The following XYLT1 variants were observed in gnomAD, a reference collection of about 807,000 sequenced individuals.
The protein encoded by XYLT1 is xylosyltransferase 1, also known as beta-D-xylosyltransferase 1.
A neutral mutation model predicts 91.3 loss-of-function variants in XYLT1; 36 were observed. That is an observed-to-expected ratio of 0.39 (90% CI 0.30 to 0.52). The LOEUF (loss-of-function observed/expected upper bound fraction) is 0.52, where lower values mean the gene tolerates loss of function less well. Ranked by LOEUF, XYLT1 falls within the 20% of genes least tolerant of loss-of-function variation. XYLT1 has a pLI of 0.68. For synonymous variants in XYLT1, 588 were observed against 532.0 expected, an observed-to-expected ratio of 1.11 and a Z score of -1.45; for missense variants, 1,242 against 1,284.5, an observed-to-expected ratio of 0.97 and a Z score of 0.51.
chr16:17,202,670 TCTTTTACTCTCTTTCACCTCAC>T (rs2032564901), intron 3 of XYLT1, among the ~76,000 whole-genome samples: 2 of 152,324 alleles, frequency 1.3e-5, no homozygotes, highest in African/African-American at 4.8e-5. Flanking sequence ...CACCCGCACC[TCTTTTACTCTCTTTCACCTCAC>T]CGGATTTCAA....
intron 3 of XYLT1, among the ~76,000 whole-genome samples, chr16:17,212,335 C>G (rs1363453696): frequency 6.6e-6 from 1 of 152,154 alleles, no homozygotes; most frequent in Admixed American, 6.5e-5. Context: ...GCCTCGGCCC[C>G]ACCCCAATAA....
chr16:17,285,145 C>T (rs2034115873), intron 2 of XYLT1, among the ~76,000 whole-genome samples: 1 of 152,174 alleles, frequency 6.6e-6, no homozygotes, highest in Admixed American at 6.5e-5. Flanking sequence ...GGTGCTGCTC[C>T]AGCCTCTTCT....
At chr16:17,328,455 A>C (rs1173801846) in intron 2 of XYLT1, among the ~76,000 whole-genome samples, 1 of 150,374 alleles carries the variant, frequency 6.7e-6, no homozygotes, top group African/African-American at 2.4e-5. Flanking sequence ...AGGCTGAGGC[A>C]GAAGAATCGC....
intron 2 of XYLT1, among the ~76,000 whole-genome samples, chr16:17,329,756 C>A (rs994223352): frequency 6.6e-6 from 1 of 152,160 alleles, no homozygotes; most frequent in South Asian, 2.1e-4. Flanking sequence ...GAAATCTACA[C>A]ATGGACACAG....
intron 3 of XYLT1, among the ~76,000 whole-genome samples, chr16:17,231,413 A>G (rs910953624): frequency 2.6e-5 from 4 of 152,210 alleles, no homozygotes. Flanking sequence ...CTCTGGAGTC[A>G]GGTAGCTGGC....
At position 17,400,629 on chromosome 16, in the gene XYLT1, G is replaced by GAGGAAGGAAGGAAGGA. The variant is rs139881259; in HGVS notation, c.364-42595_364-42580dup. ...AGAGGGAGGGAGGGAGGGAGGAAGG[G>GAGGAAGGAAGGAAGGA]AGGAAGGAAGGAAGGAAGGAAGGAA... is the stretch of plus-strand genomic sequence containing the variant. On this transcript the variant is annotated intron_variant, in intron 1 of 11. Transcript: ENST00000261381. 2.1e-3 allele frequency among the ~76,000 whole-genome samples: 275 copies of GAGGAAGGAAGGAAGGA among 132,734 alleles called. 1 individual carries two copies. Among genetic ancestry groups the GAGGAAGGAAGGAAGGA allele is most frequent in the African/African-American group, 3.5e-3 (123 of 35,020 alleles). The allele number at this position is 132,734 out of a possible 152,430, so 87.1% of individuals were successfully genotyped here. A position where few individuals can be genotyped will look rare whatever the true frequency, so the allele number is the denominator to read the frequency against.
chr16:17,245,832 AGAAACTG>A (rs2033427248), intron 3 of XYLT1, among the ~76,000 whole-genome samples: 1 of 152,238 alleles, frequency 6.6e-6, no homozygotes, highest in Non-Finnish European at 1.5e-5. Flanking sequence ...CACAGCAACT[AGAAACTG>A]GCAGAGAAAT....
At chr16:17,218,645 G>A (rs2032905843) in intron 3 of XYLT1, among the ~76,000 whole-genome samples, 1 of 152,106 alleles carries the variant, frequency 6.6e-6, no homozygotes, top group South Asian at 2.1e-4. Flanking sequence ...TCTCAAATAT[G>A]TGGAAATTGT....
At chr16:17,210,957 C>T (rs889276837) in intron 3 of XYLT1, among the ~76,000 whole-genome samples, 4 of 152,174 alleles carry the variant, frequency 2.6e-5, no homozygotes, top group East Asian at 1.9e-4. Context: ...CAGGAGTGCC[C>T]GGCTAGCACT....
intron 2 of XYLT1, among the ~76,000 whole-genome samples, chr16:17,277,893 G>A (rs1223982351): frequency 6.6e-6 from 1 of 152,166 alleles, no homozygotes; most frequent in Non-Finnish European, 1.5e-5. Flanking sequence ...GAGGCTCACA[G>A]CGGTTATCTC....
At chr16:17,333,666 C>T in intron 2 of XYLT1, among the ~76,000 whole-genome samples, 1 of 150,274 alleles carries the variant, frequency 6.7e-6, no homozygotes, top group Non-Finnish European at 1.5e-5. Context: ...GGGCTCACTG[C>T]AACCTCTGCC....
chr16:17,423,177 C>T (rs28581856), intron 1 of XYLT1, among the ~76,000 whole-genome samples: 48 of 149,066 alleles, frequency 3.2e-4, no homozygotes, highest in African/African-American at 1.0e-3. Context: ...GTCCCTTCTT[C>T]CTCTGCCCCA....
intron 11 of XYLT1, among the ~76,000 whole-genome samples, 178 bp from the exon 12 acceptor site, chr16:17,109,195 C>T (rs1442390757): frequency 1.7e-4 from 26 of 152,138 alleles, no homozygotes; most frequent in Admixed American, 1.6e-3. Flanking sequence ...AAACTGAGCC[C>T]GTAAGGACAG....
At chr16:17,247,214 T>G (rs1224286147) in intron 3 of XYLT1, among the ~76,000 whole-genome samples, 3 of 148,954 alleles carry the variant, frequency 2.0e-5, no homozygotes, top group Non-Finnish European at 4.5e-5. Flanking sequence ...GCTCCTTCCT[T>G]CTTGCACTAA....
chr16:17,353,634 T>A (rs2035250842), intron 2 of XYLT1, among the ~76,000 whole-genome samples: 1 of 152,228 alleles, frequency 6.6e-6, no homozygotes, highest in Admixed American at 6.5e-5. Context: ...CATTGAATCT[T>A]TCTATCCATC....
intron 5 of XYLT1, among the ~76,000 whole-genome samples, chr16:17,165,346 G>T (rs184365222): frequency 6.6e-6 from 1 of 152,122 alleles, no homozygotes; most frequent in Non-Finnish European, 1.5e-5. Flanking sequence ...TCATCAGCAC[G>T]TACAGGCAGA....
intron 1 of XYLT1, among the ~76,000 whole-genome samples, chr16:17,397,348 G>A (rs2035900229): frequency 1.3e-5 from 2 of 152,122 alleles, no homozygotes. Context: ...GAAACAGTCT[G>A]CAATCTAATT....
intron 1 of XYLT1, among the ~76,000 whole-genome samples, chr16:17,465,017 G>A (rs545029409): frequency 2.6e-5 from 4 of 151,542 alleles, no homozygotes; most frequent in Admixed American, 6.6e-5. Context: ...GGTGGTGCAC[G>A]CCTGTAATCC....
At chr16:17,373,724 A>G (rs1325880103) in intron 1 of XYLT1, among the ~76,000 whole-genome samples, 1 of 152,244 alleles carries the variant, frequency 6.6e-6, no homozygotes, top group East Asian at 1.9e-4. Flanking sequence ...ACCTGGGCTC[A>G]GAGAGGTTAT....
Sources: allele counts gnomAD v4.1 joint callset (sites outside exome capture counted in the v4.1 genomes callset), GRCh38; gene constraint gnomAD v4.1.1; transcripts MANE v1.5; gene names NCBI Gene and HGNC (gene_info 2026-07-23, HGNC 2026-07-21).